Variants in NCAM1 observed in about 807,000 individuals in gnomAD.
The protein encoded by NCAM1 is neural cell adhesion molecule 1.
A neutral mutation model predicts 109.8 loss-of-function variants in NCAM1; 14 were observed. That is an observed-to-expected ratio of 0.13 (90% CI 0.08 to 0.20). The LOEUF is 0.20. Ranked by LOEUF, NCAM1 falls within the 10% of genes least tolerant of loss-of-function variation. NCAM1 has a pLI of 1.00. For synonymous variants in NCAM1, 418 were observed against 442.9 expected, an observed-to-expected ratio of 0.94 and a Z score of 0.70; for missense variants, 774 against 1,109.9, an observed-to-expected ratio of 0.70 and a Z score of 4.30.
chr11:113,124,214 T>C (rs1432044026), intron 1 of NCAM1, among the ~76,000 whole-genome samples: 1 of 152,226 alleles, frequency 6.6e-6, no homozygotes, highest in African/African-American at 2.4e-5. Flanking sequence ...TTCTCTAGAC[T>C]GAGAAGGAGG....
intron 1 of NCAM1, among the ~76,000 whole-genome samples, chr11:112,993,134 C>T (rs1421412041): frequency 6.6e-6 from 1 of 152,112 alleles, no homozygotes; most frequent in Non-Finnish European, 1.5e-5. Context: ...AACTATCTGG[C>T]ACTGGGTAAT....
intron 3 of NCAM1, 132 bp from the exon 4 acceptor site, chr11:113,205,391 G>A (rs1261030079): frequency 1.1e-5 from 13 of 1,151,556 alleles, no homozygotes; most frequent in Non-Finnish European, 1.4e-5. Flanking sequence ...CTCTGAGGGT[G>A]CCCCTCTTAT....
rs769486776 is a variant in NCAM1 at position 113,276,615 on chromosome 11, A to G, written c.*1228A>G. 2 of 152,664 alleles carry G rather than the reference A, an allele frequency of 1.3e-5. No individual in the cohort carries two copies. The highest frequency in any genetic ancestry group is 2.9e-5 in the Non-Finnish European group (2 of 68,044). 9.5% of individuals were successfully genotyped at this position (152,664 alleles called of 1,614,324 possible). On this transcript the variant is annotated 3_prime_UTR_variant, in exon 20 of 20. Transcript: ENST00000316851. Reference sequence around the variant, plus strand: ...ATACATACCATTTCCTTTTGAGCCCAGAATCTAGATTTGAGCGGAAGAGCA... The same window carrying G: ...ATACATACCATTTCCTTTTGAGCCCGGAATCTAGATTTGAGCGGAAGAGCA...
At chr11:113,048,133 C>G (rs533060246) in intron 1 of NCAM1, among the ~76,000 whole-genome samples, 3 of 152,278 alleles carry the variant, frequency 2.0e-5, no homozygotes, top group South Asian at 2.1e-4. Flanking sequence ...ATCAGACACT[C>G]TGACATTGCT....
intron 15 of NCAM1, among the ~76,000 whole-genome samples, chr11:113,247,116 T>G (rs2137457373): frequency 6.6e-6 from 1 of 152,276 alleles, no homozygotes; most frequent in East Asian, 1.9e-4. Context: ...TGCATAGCGG[T>G]GACAAAATAA....
chr11:113,068,132 C>T (rs566620204), intron 1 of NCAM1, among the ~76,000 whole-genome samples: 79 of 152,176 alleles, frequency 5.2e-4, no homozygotes, highest in African/African-American at 1.8e-3. Flanking sequence ...AGGATGGTCC[C>T]GATCTCCTGA....
chr11:113,038,110 C>T (rs1158726759), intron 1 of NCAM1, among the ~76,000 whole-genome samples: 2 of 152,200 alleles, frequency 1.3e-5, no homozygotes, highest in Non-Finnish European at 2.9e-5. Context: ...CTGAAGTCTG[C>T]ACCAATTCTC....
chr11:113,229,020 T>C (rs1944926975), intron 9 of NCAM1, among the ~76,000 whole-genome samples: 1 of 152,150 alleles, frequency 6.6e-6, no homozygotes, highest in Non-Finnish European at 1.5e-5. Flanking sequence ...GACATAGGCA[T>C]GGACAAGGAC....
At chr11:113,185,665 G>A (rs200306422) in intron 1 of NCAM1, among the ~76,000 whole-genome samples, 7 of 152,340 alleles carry the variant, frequency 4.6e-5, no homozygotes, top group Non-Finnish European at 7.3e-5. Context: ...ACATGGCCAA[G>A]TAGGCAGAAC....
chr11:112,987,269 T>G (rs560239112), intron 1 of NCAM1, among the ~76,000 whole-genome samples: 2 of 152,298 alleles, frequency 1.3e-5, no homozygotes, highest in Non-Finnish European at 2.9e-5. Context: ...CTTGATATGA[T>G]TTCAGTCTCC....
At chr11:113,162,140 G>A (rs1555104500) in intron 1 of NCAM1, among the ~76,000 whole-genome samples, 1 of 152,160 alleles carries the variant, frequency 6.6e-6, no homozygotes, top group African/African-American at 2.4e-5. Context: ...GGGAGGAGCA[G>A]CCTGAGATGG....
intron 1 of NCAM1, among the ~76,000 whole-genome samples, chr11:113,015,836 C>T (rs973637876): frequency 6.6e-6 from 1 of 152,150 alleles, no homozygotes; most frequent in Non-Finnish European, 1.5e-5. Flanking sequence ...TACACTTAAA[C>T]TCTTCATGCC....
intron 1 of NCAM1, among the ~76,000 whole-genome samples, chr11:113,041,439 A>G (rs971874590): frequency 6.6e-6 from 1 of 151,482 alleles, no homozygotes; most frequent in African/African-American, 2.4e-5. Context: ...TGTAATGGGG[A>G]TGACTATCTT....
intron 8 of NCAM1, among the ~76,000 whole-genome samples, chr11:113,219,072 A>T (rs1944612800): frequency 6.6e-6 from 1 of 152,230 alleles, no homozygotes; most frequent in Non-Finnish European, 1.5e-5. Flanking sequence ...CTCTTTGAAC[A>T]TCTCTATGCC....
In NCAM1 at chr11:113,271,798, C is replaced by T. The variant is rs782357084; in HGVS notation, c.2378C>T (p.Thr793Met). Reference protein sequence around the residue: ...ESKEPIVEVRTEEERTPNHDG... With the variant: ...ESKEPIVEVRMEEERTPNHDG... ...AAGGAGCCCATCGTGGAGGTTCGAA[C>T]GGAGGAGGAGAGGACCCCAAACCAT... is the stretch of plus-strand genomic sequence containing the variant. The change falls in exon 19 of 20, where the codon ACG (threonine) becomes ATG (methionine). Residue 793 changes from threonine (T) to methionine (M), a missense_variant. By Grantham distance (81) the Thr-to-Met change is moderately conservative. This residue lies in a region of NCAM1 where 122 missense variants were observed against 129.7 expected (regional missense o/e 0.94). Transcript: ENST00000316851. 2.3e-5 allele frequency: 36 copies of T among 1,566,942 alleles called. 1 individual carries two copies. The South Asian group carries it at 2.6e-4, about 11-fold the overall frequency.
intron 16 of NCAM1, 195 bp from the exon 17 acceptor site, chr11:113,259,951 G>A (rs933613136): frequency 2.5e-5 from 12 of 478,056 alleles, no homozygotes; most frequent in East Asian, 1.6e-4. Flanking sequence ...TGATCCACCC[G>A]CCTCGGCCTC....
chr11:113,096,024 C>T (rs1055011144), intron 1 of NCAM1, among the ~76,000 whole-genome samples: 1 of 152,140 alleles, frequency 6.6e-6, no homozygotes, highest in African/African-American at 2.4e-5. Context: ...TGCTATTAGG[C>T]CCACAGGAAT....
intron 1 of NCAM1, among the ~76,000 whole-genome samples, chr11:113,193,564 A>G (rs1212922538): frequency 1.3e-5 from 2 of 152,144 alleles, no homozygotes; most frequent in Non-Finnish European, 2.9e-5. Context: ...GAGGTGGGAG[A>G]ATCGCTTGAA....
At chr11:113,221,445 C>T (rs184062726) in intron 9 of NCAM1, 120 bp downstream of exon 9, 148 of 1,061,656 alleles carry the variant, frequency 1.4e-4, no homozygotes, top group South Asian at 1.3e-3. Flanking sequence ...AAGAATAGGT[C>T]GATAGTGGTA....
Sources: gnomAD v4.1 joint callset for allele counts (sites outside exome capture counted in the v4.1 genomes callset) on GRCh38, gnomAD v4.1.1 for gene constraint, gnomAD v4.1.1 regional missense constraint, MANE v1.5 for transcripts, NCBI Gene and HGNC (gene_info 2026-07-23, HGNC 2026-07-21) for gene names.